Variants in CCDC148 observed in about 807,000 individuals in gnomAD.
CCDC148 encodes coiled-coil domain-containing protein 148.
CCDC148 carries 89 observed loss-of-function variants against 85.7 expected under a neutral mutation model. The observed-to-expected ratio is 1.04, with a 90% CI of 0.87 to 1.24. The LOEUF (loss-of-function observed/expected upper bound fraction) is 1.24. Among genes scored for constraint, CCDC148 ranks in the 50% most tolerant of loss-of-function variants. CCDC148 has a pLI of 0.00. For missense variants in CCDC148, 692 were observed against 671.7 expected (o/e 1.03, Z -0.33); for synonymous variants, 230 against 213.9 (o/e 1.08, Z -0.66).
intron 1 of CCDC148, among the ~76,000 whole-genome samples, chr2:158,397,422 C>T (rs1178672837): frequency 4.6e-5 from 7 of 152,102 alleles, no homozygotes; most frequent in East Asian, 3.9e-4. Context: ...AGACTAACAG[C>T]GGATCTCTCT....
chr2:158,372,601 T>G (rs796554378), intron 1 of CCDC148, among the ~76,000 whole-genome samples: 10 of 152,148 alleles, frequency 6.6e-5, no homozygotes, highest in African/African-American at 2.4e-4. Context: ...CCTTGGTCCC[T>G]TTTACGCCTA....
chr2:158,330,058 G>C (rs1329364899), intron 7 of CCDC148, among the ~76,000 whole-genome samples: 7 of 152,246 alleles, frequency 4.6e-5, no homozygotes, highest in East Asian at 1.9e-4. Flanking sequence ...AATAGGAGTG[G>C]TGAGAGAGGG....
intron 1 of CCDC148, among the ~76,000 whole-genome samples, chr2:158,452,308 G>A (rs563247544): frequency 1.3e-5 from 2 of 152,282 alleles, no homozygotes; most frequent in African/African-American, 4.8e-5. Flanking sequence ...GGAAACGTAT[G>A]ATAAATAAGG....
chr2:158,311,588 T>C (rs1432216824), intron 8 of CCDC148, among the ~76,000 whole-genome samples: 3 of 152,204 alleles, frequency 2.0e-5, no homozygotes, highest in African/African-American at 7.2e-5. Flanking sequence ...AATGATTCTA[T>C]GAGCAGAAAG....
At chr2:158,269,042 G>A (rs1347543036) in intron 9 of CCDC148, among the ~76,000 whole-genome samples, 2 of 152,062 alleles carry the variant, frequency 1.3e-5, no homozygotes, top group African/African-American at 4.8e-5. Context: ...AGCTATCTTT[G>A]ATTGGTGATA....
chr2:158,338,597 G>C, intron 7 of CCDC148, 129 bp downstream of exon 7: 1 of 670,632 alleles, frequency 1.5e-6, no homozygotes, highest in Non-Finnish European at 2.4e-6. Flanking sequence ...CAAATAGTCA[G>C]TCTAAACATT....
intron 7 of CCDC148, among the ~76,000 whole-genome samples, chr2:158,323,728 G>A (rs72942334): frequency 0.071 from 10,762 of 152,080 alleles, 436 homozygotes; most frequent in Non-Finnish European, 0.081. Context: ...GTAAAACAGA[G>A]CTTTTAAGAT....
intron 2 of CCDC148, among the ~76,000 whole-genome samples, chr2:158,354,133 C>A (rs1187082006): frequency 1.3e-5 from 2 of 151,414 alleles, no homozygotes; most frequent in Non-Finnish European, 3.0e-5. Flanking sequence ...CAGGAAAGAT[C>A]CAAAATTGAC....
chr2:158,389,508 G>C (rs1574737873), intron 1 of CCDC148, among the ~76,000 whole-genome samples: 2 of 152,242 alleles, frequency 1.3e-5, no homozygotes, highest in Non-Finnish European at 1.5e-5. Context: ...TAAAAGAAGG[G>C]CCAGATAATT....
intron 9 of CCDC148, among the ~76,000 whole-genome samples, chr2:158,251,180 A>G (rs1189362846): frequency 6.6e-6 from 1 of 151,798 alleles, no homozygotes; most frequent in Non-Finnish European, 1.5e-5. Flanking sequence ...ATTTAACTCC[A>G]AAGAATCTGT....
intron 7 of CCDC148, among the ~76,000 whole-genome samples, chr2:158,318,212 C>T (rs78536365): frequency 0.15 from 22,948 of 152,112 alleles, 2,212 homozygotes; most frequent in Non-Finnish European, 0.21. Flanking sequence ...TCCCTGCTCC[C>T]AGACCCATTT....
intron 2 of CCDC148, among the ~76,000 whole-genome samples, chr2:158,355,342 C>A (rs1341665387): frequency 1.3e-5 from 2 of 151,942 alleles, no homozygotes; most frequent in African/African-American, 4.8e-5. Context: ...ATTGTCTCAG[C>A]CCAAAATCTC....
Position 158,305,229 on chromosome 2 carries a change from C to T in CCDC148, c.1110+4204G>A, listed in dbSNP as rs531703380. Among the ~76,000 whole-genome samples, 145 of 152,268 alleles carry T rather than the reference C, an allele frequency of 9.5e-4. 3 individuals carry two copies. The South Asian group carries it at 0.015, about 16-fold the overall frequency. On this transcript the variant is annotated intron_variant, in intron 9 of 13. Coordinates refer to ENST00000283233, the MANE Select transcript of CCDC148 (RefSeq NM_138803.4). ...GAAGGAAATGAAGAAACCATCTTCT[C>T]CTGGGGACGGTGAAGGAAACTATCT...
At chr2:158,379,158 A>G (rs1422390814) in intron 1 of CCDC148, among the ~76,000 whole-genome samples, 2 of 152,176 alleles carry the variant, frequency 1.3e-5, no homozygotes, top group East Asian at 3.9e-4. Flanking sequence ...AATAAATAGC[A>G]GCATTAACAA....
chr2:158,298,183 GTGATTCAATTATTTCCACC>G (rs1359992957), intron 9 of CCDC148, among the ~76,000 whole-genome samples: 2 of 152,146 alleles, frequency 1.3e-5, no homozygotes, highest in African/African-American at 4.8e-5. Flanking sequence ...AACCACTCCT[GTGATTCAATTATTTCCACC>G]TGGTCCCTCC....
At chr2:158,433,074 C>CAAAAAAAAAAAAAAAAA (rs755383954) in intron 1 of CCDC148, among the ~76,000 whole-genome samples, 4 of 74,020 alleles carry the variant, frequency 5.4e-5, no homozygotes, top group East Asian at 3.5e-4. Flanking sequence ...CTCATCTCTA[C>CAAAAAAAAAAAAAAAAA]AAAAAAAAAA....
intron 1 of CCDC148, among the ~76,000 whole-genome samples, chr2:158,406,183 A>C (rs1418672656): frequency 1.3e-5 from 2 of 152,130 alleles, no homozygotes; most frequent in African/African-American, 2.4e-5. Context: ...GAAATGAATG[A>C]TAATATTGTA....
At chr2:158,214,237 T>G (rs1221883912) in intron 11 of CCDC148, among the ~76,000 whole-genome samples, 1 of 152,082 alleles carries the variant, frequency 6.6e-6, no homozygotes, top group East Asian at 1.9e-4. Context: ...ATATTTTGAT[T>G]AGCATTTTAA....
intron 9 of CCDC148, among the ~76,000 whole-genome samples, chr2:158,304,647 T>A (rs940538693): frequency 6.6e-6 from 1 of 152,148 alleles, no homozygotes; most frequent in Non-Finnish European, 1.5e-5. Context: ...GAGCTTCCAT[T>A]TAGGTGTAGA....
Sources: allele counts gnomAD v4.1 joint callset (sites outside exome capture counted in the v4.1 genomes callset), GRCh38; gene constraint gnomAD v4.1.1; transcripts MANE v1.5; gene names NCBI Gene and HGNC (gene_info 2026-07-23, HGNC 2026-07-21).